AOPEP: variants seen among roughly 807,000 people sequenced by gnomAD.
AOPEP encodes aminopeptidase O.
A neutral mutation model predicts 98.1 loss-of-function variants in AOPEP; 77 were observed. That is an observed-to-expected ratio of 0.78 (90% CI 0.65 to 0.95). The LOEUF (loss-of-function observed/expected upper bound fraction) is 0.95. AOPEP is among the 40% of genes least tolerant of loss of function. The pLI, the probability that AOPEP is intolerant of heterozygous loss-of-function variation, is 0.00. For missense variants in AOPEP, 1,024 were observed against 1,024.7 expected, an observed-to-expected ratio of 1.00 and a Z score of 0.01; for synonymous variants, 346 against 365.3, an observed-to-expected ratio of 0.95 and a Z score of 0.60.
chr9:94,963,040 A>G (rs2896816), intron 9 of AOPEP, among the ~76,000 whole-genome samples: 29,535 of 152,112 alleles, frequency 0.19, 6,108 homozygotes, highest in African/African-American at 0.52. Flanking sequence ...CACCGCATCC[A>G]GCCAATATTA....
chr9:94,819,266 G>A (rs1852423415), intron 5 of AOPEP, among the ~76,000 whole-genome samples: 1 of 152,172 alleles, frequency 6.6e-6, no homozygotes, highest in Admixed American at 6.5e-5. Context: ...TCTGACTTGT[G>A]TCTGAAAGGA....
intron 7 of AOPEP, among the ~76,000 whole-genome samples, chr9:94,935,656 C>T (rs1318315957): frequency 6.6e-6 from 1 of 152,176 alleles, no homozygotes; most frequent in Non-Finnish European, 1.5e-5. Flanking sequence ...ACCCCAGGGC[C>T]ACCCTCTGAC....
chr9:95,095,589 T>C, the AOPEP span, among the ~76,000 whole-genome samples: 9 of 152,196 alleles, frequency 5.9e-5, no homozygotes, highest in African/African-American at 1.9e-4. Flanking sequence ...GTATGGCCAG[T>C]TTTACCCACC....
intron 5 of AOPEP, among the ~76,000 whole-genome samples, chr9:94,922,362 G>T (rs759008685): frequency 2.6e-5 from 4 of 152,308 alleles, no homozygotes; most frequent in South Asian, 4.1e-4. Context: ...CTTTCTGGCT[G>T]CAGACCCTGC....
the AOPEP span, chr9:95,135,614 G>C: frequency 1.2e-6 from 1 of 858,400 alleles, no homozygotes; most frequent in African/African-American, 1.7e-5. Context: ...TTCTCATCAT[G>C]GTCACAGCAG....
chr9:94,735,947 G>C (rs574341866), intron 1 of AOPEP, among the ~76,000 whole-genome samples: 1 of 152,092 alleles, frequency 6.6e-6, no homozygotes, highest in Non-Finnish European at 1.5e-5. Flanking sequence ...CTTCTTTCAC[G>C]TCTCACGGTG....
rs1554726861 is a variant in AOPEP, at chr9:94,822,009, A to ACACACACACACACG, written c.1364+21010_1364+21011insACACACACACGCAC. The stretch of plus-strand genomic sequence containing the variant: ...CACACACACACACACACACACACAC[A>ACACACACACACACG]CACGCAGGCATTCAGCCTACTGACC... On this transcript the variant is annotated intron_variant, in intron 5 of 16. Coordinates refer to ENST00000375315, the MANE Select transcript of AOPEP (RefSeq NM_001193329.3). Among the ~76,000 whole-genome samples, 12 of 149,884 alleles carry ACACACACACACACG rather than the reference A, an allele frequency of 8.0e-5. No homozygotes were observed. In the South Asian group the frequency reaches 8.6e-4, roughly 11 times the overall value.
chr9:94,833,094 C>G (rs532929737), intron 5 of AOPEP, among the ~76,000 whole-genome samples: 1 of 152,044 alleles, frequency 6.6e-6, no homozygotes, highest in South Asian at 2.1e-4. Context: ...TGCCACCATG[C>G]CCTGCTAATT....
the AOPEP span, chr9:95,100,479 C>T: frequency 8.6e-6 from 2 of 231,922 alleles, no homozygotes; most frequent in Non-Finnish European, 1.7e-5. Flanking sequence ...CAGACTAATA[C>T]ACACAAATCA....
chr9:95,082,280 C>T (rs755554501), intron 15 of AOPEP, among the ~76,000 whole-genome samples: 2 of 152,154 alleles, frequency 1.3e-5, no homozygotes, highest in Non-Finnish European at 2.9e-5. Flanking sequence ...GTTCCTGACA[C>T]GGCCATCATG....
At chr9:94,936,258 T>G (rs1272363823) in intron 7 of AOPEP, among the ~76,000 whole-genome samples, 1 of 152,158 alleles carries the variant, frequency 6.6e-6, no homozygotes, top group African/African-American at 2.4e-5. Flanking sequence ...TTCAAGCCCC[T>G]TAGTGTGGCA....
In AOPEP at chr9:94,766,166, A is replaced by G. The variant is rs72747042; in HGVS notation, c.797+5586A>G. ...ATAAACTTTTAAAATGGAAACCTTT[A>G]TTCAAAGTTGATGTGTTTTCTTCAT... On this transcript the variant is annotated intron_variant, in intron 2 of 16. Transcript: ENST00000375315. Among the ~76,000 whole-genome samples, 689 of 152,348 alleles carry G rather than the reference A, an allele frequency of 4.5e-3. 2 individuals are homozygous for G. The highest frequency in any genetic ancestry group is 8.4e-3 in the Non-Finnish European group (573 of 68,018).
chr9:94,770,489 G>T (rs762577944), intron 2 of AOPEP, among the ~76,000 whole-genome samples: 8 of 152,182 alleles, frequency 5.3e-5, no homozygotes, highest in Non-Finnish European at 1.0e-4. Context: ...TGTGCCAGGA[G>T]CTGGAAAATC....
At chr9:94,795,176 G>A (rs1371741135) in intron 4 of AOPEP, among the ~76,000 whole-genome samples, 1 of 152,106 alleles carries the variant, frequency 6.6e-6, no homozygotes, top group Non-Finnish European at 1.5e-5. Context: ...GCAATACCTG[G>A]ATTTATATCC....
chr9:95,141,235 C>T, the AOPEP span, among the ~76,000 whole-genome samples: 2 of 148,214 alleles, frequency 1.3e-5, no homozygotes, highest in Non-Finnish European at 3.0e-5. Context: ...TCACCTGAGC[C>T]TGGGAGGTCG....
Position 94,979,232 on chromosome 9 carries a change from C to T in AOPEP, c.1917-135C>T, listed in dbSNP as rs769508528. 4.2e-4 allele frequency: 243 copies of T among 585,254 alleles called. No homozygotes were observed. In the East Asian group the frequency reaches 5.6e-3, roughly 14 times the overall value. The allele number at this position is 585,254 out of a possible 1,614,324, so 36.3% of individuals were successfully genotyped here. On this transcript the variant is annotated intron_variant, in intron 10 of 16. Transcript: ENST00000375315. ...CCTTCCACACTTCAACCCAGGGGAG[C>T]GCTGCCCTTTCTGTAAAGCACGGGC...
intron 5 of AOPEP, among the ~76,000 whole-genome samples, chr9:94,860,374 C>T (rs1471145681): frequency 1.3e-5 from 2 of 151,974 alleles, no homozygotes; most frequent in Non-Finnish European, 2.9e-5. Context: ...ATTGGGAAGC[C>T]CAGCAGGTTT....
At position 94,810,922 on chromosome 9, in the gene AOPEP, A is replaced by G. The variant is rs117035202; in HGVS notation, c.1364+9920A>G. Reference sequence around the variant, plus strand: ...GTCATCAGTGAAAAGCATCATTTTCAAATACTCCATCAGGAGTGGGTTCCA... The same window carrying G: ...GTCATCAGTGAAAAGCATCATTTTCGAATACTCCATCAGGAGTGGGTTCCA... On this transcript the variant is annotated intron_variant, in intron 5 of 16. Coordinates refer to ENST00000375315, the MANE Select transcript of AOPEP (RefSeq NM_001193329.3). Among the ~76,000 whole-genome samples, 399 of 152,308 alleles carry G rather than the reference A, an allele frequency of 2.6e-3. 4 individuals carry two copies. The highest frequency in any genetic ancestry group is 2.7e-3 in the Non-Finnish European group (185 of 68,018).
chr9:95,017,858 C>A (rs1283349845), intron 13 of AOPEP, among the ~76,000 whole-genome samples: 1 of 152,212 alleles, frequency 6.6e-6, no homozygotes, highest in Non-Finnish European at 1.5e-5. Flanking sequence ...TTATAGTTTA[C>A]CTTTTCTAGA....
Sources: gnomAD v4.1 joint callset for allele counts (sites outside exome capture counted in the v4.1 genomes callset) on GRCh38, gnomAD v4.1.1 for gene constraint, MANE v1.5 for transcripts, NCBI Gene and HGNC (gene_info 2026-07-23, HGNC 2026-07-21) for gene names.